Variants in PHACTR3 observed in about 807,000 individuals in gnomAD.
PHACTR3 encodes the protein protein phosphatase 1, regulatory subunit 123.
In PHACTR3, 16 loss-of-function variants were observed where a neutral mutation model predicts 66.8. That is an observed-to-expected ratio of 0.24 (90% CI 0.16 to 0.36). The LOEUF is 0.36. Among genes scored for constraint, PHACTR3 ranks in the 10% least tolerant of loss-of-function variants. The pLI, the probability that PHACTR3 is intolerant of heterozygous loss-of-function variation, is 1.00. For missense variants in PHACTR3, 647 were observed against 719.9 expected, an observed-to-expected ratio of 0.90 and a Z score of 1.16; for synonymous variants, 323 against 292.1, an observed-to-expected ratio of 1.11 and a Z score of -1.08.
At chr20:59,627,924 C>T (rs760290854) in intron 1 of PHACTR3, among the ~76,000 whole-genome samples, 5 of 152,076 alleles carry the variant, frequency 3.3e-5, no homozygotes, top group African/African-American at 7.2e-5. Flanking sequence ...ATCTGCTAAT[C>T]GATCATCTAC....
chr20:59,744,832 A>G (rs531997321), intron 2 of PHACTR3, among the ~76,000 whole-genome samples: 52 of 152,174 alleles, frequency 3.4e-4, no homozygotes, highest in Non-Finnish European at 6.8e-4. Context: ...TCCGCAGAGT[A>G]GGGAGTCGAG....
At chr20:59,823,744 C>T (rs2042112408) in intron 8 of PHACTR3, among the ~76,000 whole-genome samples, 1 of 152,214 alleles carries the variant, frequency 6.6e-6, no homozygotes, top group Non-Finnish European at 1.5e-5. Context: ...TTCTCTCTCC[C>T]ACGCAAACTG....
chr20:59,833,855 C>A (rs2042453481), intron 8 of PHACTR3, among the ~76,000 whole-genome samples: 1 of 152,194 alleles, frequency 6.6e-6, no homozygotes, highest in African/African-American at 2.4e-5. Context: ...AGAGAAGGGG[C>A]TGCTGGAAAG....
intron 2 of PHACTR3, 95 bp downstream of exon 2, chr20:59,743,363 C>T (rs932563335): frequency 8.9e-6 from 13 of 1,468,842 alleles, no homozygotes; most frequent in Non-Finnish European, 3.7e-6. Context: ...CTTCCTGGCC[C>T]CTACACAGGA....
chr20:59,828,514 T>C (rs2042256887), intron 8 of PHACTR3, among the ~76,000 whole-genome samples: 1 of 152,210 alleles, frequency 6.6e-6, no homozygotes, highest in South Asian at 2.1e-4. Flanking sequence ...TGTTGTTTTT[T>C]TGGTTATGCG....
At chr20:59,747,735 C>T in intron 2 of PHACTR3, 23 bp from the exon 3 acceptor site, 1 of 1,611,790 alleles carries the variant, frequency 6.2e-7, no homozygotes, top group East Asian at 2.2e-5. Context: ...TGAGACTCAC[C>T]TGTGTGTTTG....
At chr20:59,587,856 G>C (rs1051094835) in intron 1 of PHACTR3, among the ~76,000 whole-genome samples, 2 of 152,184 alleles carry the variant, frequency 1.3e-5, no homozygotes, top group African/African-American at 4.8e-5. Flanking sequence ...GGCCAGCAAG[G>C]GTGGCTGAAT....
intron 1 of PHACTR3, among the ~76,000 whole-genome samples, chr20:59,616,718 A>G (rs930503533): frequency 1.3e-5 from 2 of 152,238 alleles, no homozygotes; most frequent in Non-Finnish European, 2.9e-5. Context: ...AGGAAACTGC[A>G]TGTAGACACT....
intron 1 of PHACTR3, among the ~76,000 whole-genome samples, chr20:59,723,452 C>T (rs1484467291): frequency 6.6e-6 from 1 of 152,078 alleles, no homozygotes; most frequent in Non-Finnish European, 1.5e-5. Flanking sequence ...CAGTTTAGGG[C>T]TGATAGTATT....
intron 1 of PHACTR3, among the ~76,000 whole-genome samples, chr20:59,606,348 T>G (rs911797613): frequency 2.0e-5 from 3 of 151,672 alleles, no homozygotes; most frequent in African/African-American, 7.3e-5. Context: ...GGGCAAGTAT[T>G]GGAAGATTTC....
chr20:59,609,470 T>TGG (rs2033782447), intron 1 of PHACTR3, among the ~76,000 whole-genome samples: 1 of 147,776 alleles, frequency 6.8e-6, no homozygotes, highest in Non-Finnish European at 1.5e-5. Flanking sequence ...GTTTCAGGTC[T>TGG]CCCACCCCCA....
intron 8 of PHACTR3, among the ~76,000 whole-genome samples, chr20:59,809,002 CAACAG>C (rs1395956925): frequency 5.3e-5 from 8 of 152,188 alleles, no homozygotes; most frequent in Non-Finnish European, 1.2e-4. Flanking sequence ...AGGTCAGAGA[CAACAG>C]AACGCTCCCC....
intron 1 of PHACTR3, among the ~76,000 whole-genome samples, chr20:59,640,147 A>G (rs1010392296): frequency 1.3e-5 from 2 of 152,240 alleles, no homozygotes; most frequent in East Asian, 3.8e-4. Flanking sequence ...TCAGCCCGTC[A>G]GCAGCTGAGC....
intron 1 of PHACTR3, among the ~76,000 whole-genome samples, chr20:59,637,084 G>C (rs1189624848): frequency 1.3e-5 from 2 of 152,234 alleles, no homozygotes; most frequent in Non-Finnish European, 2.9e-5. Flanking sequence ...CAGGCTCCCT[G>C]TGGGGCTGTC....
At chr20:59,618,998 A>G (rs941293902) in intron 1 of PHACTR3, among the ~76,000 whole-genome samples, 12 of 152,196 alleles carry the variant, frequency 7.9e-5, no homozygotes, top group African/African-American at 2.9e-4. Flanking sequence ...TTCCGTGGGC[A>G]AAGGTTCTTT....
chr20:59,845,321 TC>T, intron 12 of PHACTR3, 56 bp downstream of exon 12: 1 of 1,025,566 alleles, frequency 9.8e-7, no homozygotes, highest in Non-Finnish European at 1.5e-6. Context: ...CACACCGCCT[TC>T]CCCCGTCCCC....
chr20:59,689,333 A>C (rs1400841095), intron 1 of PHACTR3, among the ~76,000 whole-genome samples: 1 of 152,234 alleles, frequency 6.6e-6, no homozygotes, highest in Non-Finnish European at 1.5e-5. Flanking sequence ...GGCAGGTCTG[A>C]GGCCAGGTAG....
intron 8 of PHACTR3, among the ~76,000 whole-genome samples, chr20:59,828,105 C>G (rs1376611504): frequency 6.6e-6 from 1 of 152,232 alleles, no homozygotes; most frequent in Admixed American, 6.5e-5. Flanking sequence ...AGTCCGAAGC[C>G]TGTTTATGAT....
At chr20:59,719,325 C>T (rs1396662708) in intron 1 of PHACTR3, among the ~76,000 whole-genome samples, 6 of 152,030 alleles carry the variant, frequency 3.9e-5, no homozygotes, top group Non-Finnish European at 5.9e-5. Flanking sequence ...CCACCACACC[C>T]GGCTAATTTT....
Sources: gnomAD v4.1 joint callset for allele counts (sites outside exome capture counted in the v4.1 genomes callset) on GRCh38, gnomAD v4.1.1 for gene constraint, MANE v1.5 for transcripts, NCBI Gene and HGNC (gene_info 2026-07-23, HGNC 2026-07-21) for gene names.